ADGRB3: variants seen among roughly 807,000 people sequenced by gnomAD.
ADGRB3 encodes adhesion G protein-coupled receptor B3.
In ADGRB3, 37 loss-of-function variants were observed where a neutral mutation model predicts 193.4. That is an observed-to-expected ratio of 0.19 (90% CI 0.15 to 0.25). The LOEUF (loss-of-function observed/expected upper bound fraction) is 0.25, where lower values mean the gene tolerates loss of function less well. Among genes scored for constraint, ADGRB3 ranks in the 10% least tolerant of loss-of-function variants. The pLI is 1.00. For synonymous variants in ADGRB3, 690 were observed against 644.2 expected, an observed-to-expected ratio of 1.07 and a Z score of -1.08; for missense variants, 1,637 against 1,852.9, an observed-to-expected ratio of 0.88 and a Z score of 2.14.
intron 3 of ADGRB3, among the ~76,000 whole-genome samples, chr6:68,806,687 T>A (rs189459496): frequency 1.3e-5 from 2 of 151,744 alleles, no homozygotes; most frequent in South Asian, 4.2e-4. Flanking sequence ...TAACACATAA[T>A]AAGAATATGT....
At chr6:69,299,011 G>T (rs1003627707) in intron 20 of ADGRB3, among the ~76,000 whole-genome samples, 2 of 151,856 alleles carry the variant, frequency 1.3e-5, no homozygotes, top group Non-Finnish European at 2.9e-5. Context: ...ACTTTAAGAA[G>T]ATTCCCTTTC....
At chr6:69,106,275 T>G (rs903426519) in intron 17 of ADGRB3, among the ~76,000 whole-genome samples, 1 of 152,084 alleles carries the variant, frequency 6.6e-6, no homozygotes, top group African/African-American at 2.4e-5. Context: ...TATGTTACAT[T>G]TATTACTAGT....
intron 17 of ADGRB3, among the ~76,000 whole-genome samples, chr6:69,156,148 G>A (rs985576754): frequency 5.3e-5 from 8 of 152,024 alleles, no homozygotes; most frequent in Admixed American, 1.3e-4. Context: ...TCAATAAAAT[G>A]TCACTATTCC....
At position 68,705,957 on chromosome 6, in the gene ADGRB3, C is replaced by A. The variant is rs115055327; in HGVS notation, c.757+66525C>A. 5.3e-4 allele frequency among the ~76,000 whole-genome samples: 81 copies of A among 152,190 alleles called. 1 individual carries two copies. The highest frequency in any genetic ancestry group is 1.9e-3 in the African/African-American group (80 of 41,534). ...CTTAGTGAAGGCAGGCCACGGTGATCAGATATCATCTAAAGGATGATGGTG... is the reference window on the plus strand; with the variant it reads ...CTTAGTGAAGGCAGGCCACGGTGATAAGATATCATCTAAAGGATGATGGTG... On this transcript the variant is annotated intron_variant, in intron 3 of 31. Transcript: ENST00000370598.
rs554831592 is a variant in ADGRB3, at chr6:69,275,295, A to G, written c.2814+36069A>G. ...TCATGACTTTATAGTTTCTTCTTTCATCTTTATTCCAACTAAAATTCTTTA... is the reference window on the plus strand; with the variant it reads ...TCATGACTTTATAGTTTCTTCTTTCGTCTTTATTCCAACTAAAATTCTTTA... On this transcript the variant is annotated intron_variant, in intron 20 of 31. Coordinates refer to ENST00000370598, the MANE Select transcript of ADGRB3 (RefSeq NM_001704.3). Among the ~76,000 whole-genome samples the G allele has an allele frequency of 2.0e-5, 3 of 152,234 alleles. No individual in the cohort carries two copies. In the East Asian group the frequency reaches 5.8e-4, roughly 29 times the overall value.
chr6:68,754,432 G>GT (rs1350205404), intron 3 of ADGRB3, among the ~76,000 whole-genome samples: 2 of 152,154 alleles, frequency 1.3e-5, no homozygotes, highest in Non-Finnish European at 2.9e-5. Context: ...ATAACATGCT[G>GT]TGCTTGTATT....
chr6:68,817,332 T>C (rs867637117), intron 3 of ADGRB3, among the ~76,000 whole-genome samples: 21 of 102,528 alleles, frequency 2.0e-4, no homozygotes, highest in South Asian at 2.8e-4. Context: ...TATATATATA[T>C]ATATATATAT....
At chr6:69,262,567 A>G (rs1190946199) in intron 20 of ADGRB3, among the ~76,000 whole-genome samples, 3 of 151,908 alleles carry the variant, frequency 2.0e-5, no homozygotes, top group East Asian at 1.9e-4. Flanking sequence ...CTCCAACCCC[A>G]TATGAAAATT....
chr6:69,361,423 G>A lies in ADGRB3; in HGVS notation c.4150G>A (p.Val1384Met). ...QNLPFEPRTAVKNFMASELDD... is the reference protein window; with the variant it reads ...QNLPFEPRTAMKNFMASELDD... ...TTTGCCCTTTGAACCTCGCACAGCT[G>A]TGAAGAATTTCATGGCCTCTGAGTT... The change falls in exon 29 of 32, where the codon GTG becomes ATG. Residue 1384 changes from valine (V) to methionine (M), a missense_variant. This residue lies in a region of ADGRB3 where 368 missense variants were observed against 367.4 expected (regional missense o/e 1.00). Transcript: ENST00000370598. 1.2e-6 allele frequency: 2 copies of A among 1,612,908 alleles called. No homozygotes were observed. The highest frequency in any genetic ancestry group is 2.2e-5 in the South Asian group (2 of 91,054).
intron 15 of ADGRB3, among the ~76,000 whole-genome samples, chr6:69,049,650 G>A (rs906481442): frequency 6.6e-6 from 1 of 152,070 alleles, no homozygotes; most frequent in African/African-American, 2.4e-5. Context: ...AATAGAATGG[G>A]TCATTGTAAA....
intron 3 of ADGRB3, among the ~76,000 whole-genome samples, chr6:68,732,589 G>A (rs991067299): frequency 2.6e-5 from 4 of 151,970 alleles, no homozygotes; most frequent in Admixed American, 1.3e-4. Context: ...ATTGGAAAAC[G>A]GAAGTTTGGG....
chr6:69,079,974 T>C (rs1357244002), intron 17 of ADGRB3, among the ~76,000 whole-genome samples: 1 of 152,038 alleles, frequency 6.6e-6, no homozygotes, highest in African/African-American at 2.4e-5. Flanking sequence ...TTTATTGGAG[T>C]TGGGAGTAGC....
intron 17 of ADGRB3, among the ~76,000 whole-genome samples, chr6:69,104,530 G>A (rs905552762): frequency 4.0e-5 from 6 of 151,762 alleles, no homozygotes; most frequent in Admixed American, 1.3e-4. Context: ...TGAAATTTTA[G>A]TTTAGAATTT....
Position 68,654,332 on chromosome 6 carries a change from G to A in ADGRB3, c.757+14900G>A, listed in dbSNP as rs113768507. Among the ~76,000 whole-genome samples the A allele has an allele frequency of 3.9e-3, 593 of 152,086 alleles. 1 individual carries two copies. The highest frequency in any genetic ancestry group is 0.013 in the African/African-American group (557 of 41,530). On this transcript the variant is annotated intron_variant, in intron 3 of 31. Coordinates refer to ENST00000370598, the MANE Select transcript of ADGRB3 (RefSeq NM_001704.3). ...GGTATGCTGGCAAGCTTTGTTCTAC[G>A]TGGCTGTGCCTTCCATTTAATTTCC...
chr6:69,364,383 A>G (rs1769524522), intron 29 of ADGRB3, among the ~76,000 whole-genome samples: 1 of 152,090 alleles, frequency 6.6e-6, no homozygotes, highest in Non-Finnish European at 1.5e-5. Flanking sequence ...GCAAGAAGCA[A>G]CAAAGAAAGA....
At chr6:68,861,591 A>G (rs1425230545) in intron 3 of ADGRB3, among the ~76,000 whole-genome samples, 4 of 152,074 alleles carry the variant, frequency 2.6e-5, no homozygotes, top group African/African-American at 9.7e-5. Context: ...TAAATTCTAC[A>G]CACTTGTCAG....
intron 6 of ADGRB3, among the ~76,000 whole-genome samples, chr6:68,954,162 G>A (rs2150255764): frequency 6.6e-6 from 1 of 152,254 alleles, no homozygotes; most frequent in African/African-American, 2.4e-5. Context: ...GATGCAGTAT[G>A]TCCTCTGAAA....
chr6:69,338,601 C>T (rs116689734), intron 24 of ADGRB3, among the ~76,000 whole-genome samples: 1,675 of 152,252 alleles, frequency 0.011, 31 homozygotes, highest in African/African-American at 0.037. Context: ...AAAGGGTTTT[C>T]ACTGTATGTC....
At chr6:68,648,050 T>C (rs1231834684) in intron 3 of ADGRB3, among the ~76,000 whole-genome samples, 1 of 152,182 alleles carries the variant, frequency 6.6e-6, no homozygotes, top group East Asian at 1.9e-4. Flanking sequence ...TGCCACAGGC[T>C]CTACATTCAA....
Sources: gnomAD v4.1 joint callset for allele counts (sites outside exome capture counted in the v4.1 genomes callset) on GRCh38, gnomAD v4.1.1 for gene constraint, gnomAD v4.1.1 regional missense constraint, MANE v1.5 for transcripts, NCBI Gene and HGNC (gene_info 2026-07-23, HGNC 2026-07-21) for gene names.